Variants in ATP2B2 observed in about 807,000 individuals in gnomAD.
ATP2B2 encodes the protein plasma membrane calcium-transporting ATPase 2.
A neutral mutation model predicts 120.0 loss-of-function variants in ATP2B2; 15 were observed. That is an observed-to-expected ratio of 0.12 (90% CI 0.08 to 0.19). The LOEUF (loss-of-function observed/expected upper bound fraction) is 0.19. Among genes scored for constraint, ATP2B2 ranks in the 10% least tolerant of loss-of-function variants. The pLI is 1.00. For missense variants in ATP2B2, 1,045 were observed against 1,719.8 expected (o/e 0.61, Z 6.94); for synonymous variants, 694 against 700.3 (o/e 0.99, Z 0.14).
intron 2 of ATP2B2, among the ~76,000 whole-genome samples, chr3:10,585,555 C>T (rs375834977): frequency 3.3e-5 from 5 of 150,472 alleles, no homozygotes; most frequent in African/African-American, 1.2e-4. Flanking sequence ...CTGCAAGACC[C>T]GACTCTACCC....
chr3:10,408,873 CCT>C lies in ATP2B2; in HGVS notation c.397+1743_397+1744del, dbSNP rs200242724. On this transcript the variant is annotated intron_variant, in intron 3 of 22. Coordinates refer to ENST00000360273, the MANE Select transcript of ATP2B2 (RefSeq NM_001001331.4). Reference sequence around the variant, plus strand: ...GTATCCGAGCTGATTCAGTCCTGTCCCTCTCTGAGGAAACGCAGCTGAGGGAC... The same window carrying C: ...GTATCCGAGCTGATTCAGTCCTGTCCCTCTGAGGAAACGCAGCTGAGGGAC... 5.7e-3 allele frequency among the ~76,000 whole-genome samples: 866 copies of C among 152,270 alleles called. 15 individuals are homozygous for C. Among genetic ancestry groups the C allele is most frequent in the African/African-American group, 0.019 (809 of 41,540 alleles).
At chr3:10,622,518 G>A (rs2069578887) in intron 1 of ATP2B2, among the ~76,000 whole-genome samples, 1 of 152,132 alleles carries the variant, frequency 6.6e-6, no homozygotes, top group African/African-American at 2.4e-5. Context: ...AACATAGATG[G>A]TTCTGGAATG....
chr3:10,420,486 C>T (rs1237436354), intron 2 of ATP2B2, among the ~76,000 whole-genome samples: 3 of 152,304 alleles, frequency 2.0e-5, no homozygotes, highest in South Asian at 4.1e-4. Flanking sequence ...CTCGGCCCCC[C>T]GAGTAGCTGG....
In ATP2B2 at chr3:10,329,164, G is replaced by A; in HGVS notation, c.3421-39C>T. ...ACAGGGGTCAGGAGCACTGCCCAGG[G>A]ACCACAGCCAGGCTCGGGGGGCTCA... On this transcript the variant is annotated intron_variant, in intron 22 of 22. Transcript: ENST00000360273. This position sits in a 1 kb window ranked among gnomAD's most constrained non-coding sequence, Gnocchi z 5.9. The A allele has an allele frequency of 7.3e-7, 1 of 1,377,990 alleles. No individual in the cohort carries two copies. The highest frequency in any genetic ancestry group is 1.1e-5 in the South Asian group (1 of 87,754). 85.4% of individuals were successfully genotyped at this position (1,377,990 alleles called of 1,614,324 possible).
chr3:10,347,011 C>A lies in ATP2B2; in HGVS notation c.2405-874G>T, dbSNP rs545023049. On this transcript the variant is annotated intron_variant, in intron 16 of 22. Coordinates refer to ENST00000360273, the MANE Select transcript of ATP2B2 (RefSeq NM_001001331.4). This position sits in a 1 kb window ranked among gnomAD's most constrained non-coding sequence, Gnocchi z 5.2. The stretch of plus-strand genomic sequence containing the variant: ...CCCCCTCCAACTTGCTTCCCCACAG[C>A]AACCTCAGGATCTCTCTAACACCCA... Among the ~76,000 whole-genome samples, 42 of 152,292 alleles carry A rather than the reference C, an allele frequency of 2.8e-4. No individual in the cohort carries two copies. Among genetic ancestry groups the A allele is most frequent in the African/African-American group, 9.9e-4 (41 of 41,560 alleles).
intron 1 of ATP2B2, among the ~76,000 whole-genome samples, chr3:10,450,217 C>A (rs1320435264): frequency 6.6e-6 from 1 of 152,120 alleles, no homozygotes; most frequent in African/African-American, 2.4e-5. Flanking sequence ...CACGTCAACA[C>A]CCAGGCCCCA....
intron 2 of ATP2B2, among the ~76,000 whole-genome samples, chr3:10,432,740 G>A (rs948732043): frequency 1.3e-5 from 2 of 152,218 alleles, no homozygotes; most frequent in African/African-American, 4.8e-5. Flanking sequence ...GCTTAGGGCT[G>A]TCTCCCTGGG....
intron 12 of ATP2B2, among the ~76,000 whole-genome samples, chr3:10,360,901 G>T (rs1319425802): frequency 6.6e-6 from 1 of 152,092 alleles, no homozygotes; most frequent in Non-Finnish European, 1.5e-5. Flanking sequence ...TTTTTTTAAA[G>T]CTATGGTCAC....
intron 2 of ATP2B2, among the ~76,000 whole-genome samples, chr3:10,604,476 T>C (rs1398682124): frequency 6.6e-6 from 1 of 152,166 alleles, no homozygotes; most frequent in Non-Finnish European, 1.5e-5. Flanking sequence ...GTGGGCCAGG[T>C]CTTGGCCCCC....
Position 10,388,301 on chromosome 3 carries a change from C to G in ATP2B2, c.883G>C (p.Glu295Gln), listed in dbSNP as rs778104787. 1 of 1,614,076 alleles carries G rather than the reference C, an allele frequency of 6.2e-7. No homozygotes were observed. Among genetic ancestry groups the G allele is most frequent in the African/African-American group, 1.3e-5 (1 of 74,912 alleles). Residue 295 changes from glutamate (E) to glutamine (Q), a missense_variant, in exon 6 of 23, where the codon GAG (glutamate) becomes CAG (glutamine). Transcript: ENST00000360273. ...CCTTTTTTGTCTTTCTTCTCTTCCT[C>G]TTCACCACCAGCCCCCAGGAGGGTA... Reference protein sequence around the residue: ...IFTLLGAGGEEEEKKDKKGVK... With the variant: ...IFTLLGAGGEQEEKKDKKGVK...
intron 12 of ATP2B2, among the ~76,000 whole-genome samples, chr3:10,362,672 A>G (rs928250483): frequency 3.3e-5 from 5 of 152,204 alleles, no homozygotes; most frequent in African/African-American, 1.2e-4. Flanking sequence ...CCCGGCTCCC[A>G]TGGCCATACT....
chr3:10,442,792 C>G (rs567362535), intron 2 of ATP2B2, among the ~76,000 whole-genome samples: 2 of 152,186 alleles, frequency 1.3e-5, no homozygotes, highest in Non-Finnish European at 2.9e-5. Flanking sequence ...GAGTTCCCAG[C>G]AGAGAATAAT....
intron 8 of ATP2B2, among the ~76,000 whole-genome samples, 179 bp from the exon 9 acceptor site, chr3:10,379,463 G>A (rs1287658768): frequency 6.6e-6 from 1 of 152,206 alleles, no homozygotes; most frequent in Non-Finnish European, 1.5e-5. Flanking sequence ...AGGCCTGGCC[G>A]CACCTTAGCT....
intron 1 of ATP2B2, among the ~76,000 whole-genome samples, chr3:10,491,137 C>T (rs1320068639): frequency 1.3e-5 from 2 of 152,020 alleles, no homozygotes; most frequent in Non-Finnish European, 2.9e-5. Context: ...TACTGTGGCA[C>T]ACCTTCCACA....
intron 2 of ATP2B2, among the ~76,000 whole-genome samples, chr3:10,605,710 G>A (rs2069045568): frequency 6.6e-6 from 1 of 151,336 alleles, no homozygotes; most frequent in Non-Finnish European, 1.5e-5. Context: ...GTGCAGTGGT[G>A]CAATATCGGC....
At chr3:10,381,458 A>G (rs2061528772) in intron 8 of ATP2B2, among the ~76,000 whole-genome samples, 1 of 152,194 alleles carries the variant, frequency 6.6e-6, no homozygotes. Flanking sequence ...CGGTGTGTGC[A>G]CTCATTAAGC....
intron 2 of ATP2B2, among the ~76,000 whole-genome samples, chr3:10,441,524 G>A (rs2063666306): frequency 6.6e-6 from 1 of 152,188 alleles, no homozygotes; most frequent in Non-Finnish European, 1.5e-5. Flanking sequence ...ACTGGTGCGA[G>A]CCACTGCACC....
intron 22 of ATP2B2, among the ~76,000 whole-genome samples, chr3:10,337,494 G>A (rs1375975538): frequency 2.6e-5 from 4 of 152,154 alleles, no homozygotes; most frequent in Non-Finnish European, 5.9e-5. Context: ...AGAGCATGTG[G>A]TATGTGTGTG....
At chr3:10,408,840 G>A (rs2062508753) in intron 3 of ATP2B2, among the ~76,000 whole-genome samples, 1 of 152,190 alleles carries the variant, frequency 6.6e-6, no homozygotes, top group South Asian at 2.1e-4. Flanking sequence ...TGGGTTGCAT[G>A]AGGCCATGTA....
Sources: allele counts gnomAD v4.1 joint callset (sites outside exome capture counted in the v4.1 genomes callset), GRCh38; gene constraint gnomAD v4.1.1; non-coding constraint Gnocchi (gnomAD v3.1); transcripts MANE v1.5; gene names NCBI Gene and HGNC (gene_info 2026-07-23, HGNC 2026-07-21).